Variants in CFAP299 observed in about 807,000 individuals in gnomAD.
The protein encoded by CFAP299 is cilia and flagella associated protein 299, also known as cilia- and flagella-associated protein 299.
Under a neutral mutation model 27.0 loss-of-function variants are expected in CFAP299, and 21 were observed. That is an observed-to-expected ratio of 0.78 (90% CI 0.55 to 1.12). The LOEUF is 1.12. CFAP299 is among the 50% of genes most tolerant of loss of function. The pLI, the probability that CFAP299 is intolerant of heterozygous loss-of-function variation, is 0.00. For synonymous variants in CFAP299, 104 were observed against 98.1 expected (o/e 1.06, Z -0.36); for missense variants, 310 against 276.6 (o/e 1.12, Z -0.86).
At chr4:80,800,761 GTGTGTGTATA>G (rs1404316268) in intron 3 of CFAP299, among the ~76,000 whole-genome samples, 9 of 128,456 alleles carry the variant, frequency 7.0e-5, no homozygotes, top group South Asian at 2.2e-4. Flanking sequence ...GTGTGTGTGT[GTGTGTGTATA>G]TATATATATG....
intron 5 of CFAP299, among the ~76,000 whole-genome samples, chr4:80,956,105 GT>G (rs1738049522): frequency 1.3e-5 from 2 of 152,112 alleles, no homozygotes; most frequent in African/African-American, 4.8e-5. Flanking sequence ...TTTCCCTCCG[GT>G]TTAATTAACA....
At chr4:80,588,968 T>TA (rs1736587412) in intron 3 of CFAP299, among the ~76,000 whole-genome samples, 1 of 152,168 alleles carries the variant, frequency 6.6e-6, no homozygotes, top group African/African-American at 2.4e-5. Context: ...GTGAGTGACT[T>TA]AAATTCAAAT....
At chr4:80,620,199 C>T (rs111793072) in intron 3 of CFAP299, among the ~76,000 whole-genome samples, 1 of 152,124 alleles carries the variant, frequency 6.6e-6, no homozygotes, top group African/African-American at 2.4e-5. Context: ...GCACAGTGGT[C>T]AAGTCTGTGC....
At chr4:80,621,495 A>G (rs936662336) in intron 3 of CFAP299, among the ~76,000 whole-genome samples, 14 of 151,592 alleles carry the variant, frequency 9.2e-5, no homozygotes, top group African/African-American at 2.4e-4. Flanking sequence ...TTCTGACACA[A>G]TATCATTTGT....
At chr4:80,604,391 G>T (rs4693494) in intron 3 of CFAP299, among the ~76,000 whole-genome samples, 95,449 of 151,990 alleles carry the variant, frequency 0.63, 33,416 homozygotes, top group Non-Finnish European at 0.78. Context: ...GTGACTAAAA[G>T]TTAGGCACTG....
intron 2 of CFAP299, among the ~76,000 whole-genome samples, chr4:80,555,075 T>G (rs1249932211): frequency 6.6e-6 from 1 of 152,128 alleles, no homozygotes; most frequent in Non-Finnish European, 1.5e-5. Context: ...TTTGTCTTGT[T>G]CCAGTTCTCA....
chr4:80,416,238 C>T (rs1325729436), intron 2 of CFAP299, among the ~76,000 whole-genome samples: 1 of 152,094 alleles, frequency 6.6e-6, no homozygotes, highest in Non-Finnish European at 1.5e-5. Flanking sequence ...TTTGTGATGG[C>T]CAACTTGACG....
chr4:80,641,223 G>A (rs773827782), intron 3 of CFAP299, among the ~76,000 whole-genome samples: 5 of 150,462 alleles, frequency 3.3e-5, no homozygotes, highest in African/African-American at 4.9e-5. Flanking sequence ...TTTCTTTTTC[G>A]AGACAGAGTC....
intron 2 of CFAP299, among the ~76,000 whole-genome samples, chr4:80,493,996 C>T (rs564767017): frequency 2.0e-5 from 3 of 151,814 alleles, no homozygotes; most frequent in Admixed American, 6.5e-5. Context: ...AGGATGGTCT[C>T]GATCTCCTGA....
chr4:80,694,010 A>G (rs1247699259), intron 3 of CFAP299, among the ~76,000 whole-genome samples: 1 of 152,168 alleles, frequency 6.6e-6, no homozygotes, highest in African/African-American at 2.4e-5. Context: ...GTTTATATGC[A>G]AAGATTGTGA....
chr4:80,680,486 C>T (rs1308651266), intron 3 of CFAP299, among the ~76,000 whole-genome samples: 1 of 152,080 alleles, frequency 6.6e-6, no homozygotes, highest in Non-Finnish European at 1.5e-5. Context: ...AGCCCAACGA[C>T]ACATCAGATT....
chr4:80,410,996 G>A (rs2110060707), intron 2 of CFAP299, among the ~76,000 whole-genome samples: 1 of 152,204 alleles, frequency 6.6e-6, no homozygotes, highest in Non-Finnish European at 1.5e-5. Flanking sequence ...AATGAATGAG[G>A]ACCAAGACTT....
intron 3 of CFAP299, among the ~76,000 whole-genome samples, chr4:80,704,568 A>G (rs563615093): frequency 6.6e-6 from 1 of 151,928 alleles, no homozygotes; most frequent in South Asian, 2.1e-4. Context: ...CAGTTACTTT[A>G]TGGTTAAGTT....
Position 80,908,250 on chromosome 4 carries a change from C to T in CFAP299, c.477-36560C>T, listed in dbSNP as rs191228199. Reference sequence around the variant, plus strand: ...ACACTGCATCTGTATACAATAACAACTTGACTTCAGGTAGTGCATAAATCC... The same window carrying T: ...ACACTGCATCTGTATACAATAACAATTTGACTTCAGGTAGTGCATAAATCC... On this transcript the variant is annotated intron_variant, in intron 4 of 5. Coordinates refer to ENST00000358105, the MANE Select transcript of CFAP299 (RefSeq NM_152770.3). Among the ~76,000 whole-genome samples, 251 of 152,324 alleles carry T rather than the reference C, an allele frequency of 1.6e-3. 1 individual carries two copies. The highest frequency in any genetic ancestry group is 1.1e-3 in the Non-Finnish European group (77 of 68,028).
intron 3 of CFAP299, among the ~76,000 whole-genome samples, chr4:80,668,797 C>T (rs1027529820): frequency 3.3e-5 from 5 of 152,050 alleles, no homozygotes; most frequent in African/African-American, 1.2e-4. Flanking sequence ...TTTGACTACT[C>T]GAAGTCTTCT....
chr4:80,388,456 C>A (rs539999638), intron 2 of CFAP299: 34 of 982,730 alleles, frequency 3.5e-5, no homozygotes, highest in South Asian at 1.4e-4. Context: ...TGGTGACCAG[C>A]GAGACTGTGT....
chr4:80,959,787 T>G (rs1738249784), intron 5 of CFAP299, among the ~76,000 whole-genome samples: 1 of 151,956 alleles, frequency 6.6e-6, no homozygotes, highest in African/African-American at 2.4e-5. Flanking sequence ...TTAATTTTTC[T>G]ATACTTAAGA....
At chr4:80,852,904 G>A (rs149586350) in intron 3 of CFAP299, among the ~76,000 whole-genome samples, 140 of 152,206 alleles carry the variant, frequency 9.2e-4, no homozygotes, top group African/African-American at 3.2e-3. Flanking sequence ...GTTGTTGAGC[G>A]GCCAGTATGT....
intron 3 of CFAP299, among the ~76,000 whole-genome samples, chr4:80,645,584 G>A (rs1030027057): frequency 6.6e-6 from 1 of 152,114 alleles, no homozygotes; most frequent in African/African-American, 2.4e-5. Context: ...CTAGGACAGT[G>A]ACTAGCACGT....
Sources: allele counts gnomAD v4.1 joint callset (sites outside exome capture counted in the v4.1 genomes callset), GRCh38; gene constraint gnomAD v4.1.1; transcripts MANE v1.5; gene names NCBI Gene and HGNC (gene_info 2026-07-23, HGNC 2026-07-21).